DCAF1: variants seen among roughly 807,000 people sequenced by gnomAD.
DCAF1 encodes the protein DDB1 and CUL4 associated factor 1, also known as DDB1- and CUL4-associated factor 1.
In DCAF1, 15 loss-of-function variants were observed where a neutral mutation model predicts 128.0. The observed-to-expected ratio is 0.12, with a 90% CI of 0.08 to 0.18. The LOEUF is 0.18. Among genes scored for constraint, DCAF1 ranks in the 10% least tolerant of loss-of-function variants. The pLI is 1.00. For missense variants in DCAF1, 988 were observed against 1,649.5 expected, an observed-to-expected ratio of 0.60 and a Z score of 6.95; for synonymous variants, 610 against 603.0, an observed-to-expected ratio of 1.01 and a Z score of -0.17.
chr3:51,434,080 T>C (rs1700611957), intron 9 of DCAF1, among the ~76,000 whole-genome samples: 2 of 127,282 alleles, frequency 1.6e-5, no homozygotes, highest in Admixed American at 1.6e-4. Flanking sequence ...AGACCCTGTC[T>C]CAAAAAAAAA....
At chr3:51,400,143 C>T (rs2089545818) in intron 24 of DCAF1, among the ~76,000 whole-genome samples, 1 of 152,190 alleles carries the variant, frequency 6.6e-6, no homozygotes, top group Admixed American at 6.5e-5. Flanking sequence ...AGTGGCCTGA[C>T]TGTATTGGTG....
chr3:51,405,444 A>C (rs1445198963), intron 23 of DCAF1, among the ~76,000 whole-genome samples: 1 of 152,216 alleles, frequency 6.6e-6, no homozygotes, highest in Non-Finnish European at 1.5e-5. Flanking sequence ...ATTTTATAGC[A>C]GAAGAAACAG....
chr3:51,460,392 T>C (rs1347301887), intron 6 of DCAF1, among the ~76,000 whole-genome samples: 1 of 152,120 alleles, frequency 6.6e-6, no homozygotes, highest in Non-Finnish European at 1.5e-5. Flanking sequence ...TACAAACCAC[T>C]GCTCAATGAA....
At chr3:51,489,328 T>C (rs570423341) in intron 2 of DCAF1, among the ~76,000 whole-genome samples, 2 of 151,660 alleles carry the variant, frequency 1.3e-5, no homozygotes, top group African/African-American at 4.8e-5. Flanking sequence ...AGGTATTCAG[T>C]AGGCTGAGGC....
chr3:51,439,137 T>G (rs1264766393), intron 9 of DCAF1, among the ~76,000 whole-genome samples: 2 of 152,054 alleles, frequency 1.3e-5, no homozygotes, highest in Non-Finnish European at 2.9e-5. Flanking sequence ...AGGGTCTGCC[T>G]GTTTTGTTTT....
intron 23 of DCAF1, among the ~76,000 whole-genome samples, chr3:51,407,984 CAAAA>C (rs59224025): frequency 1.9e-5 from 1 of 52,550 alleles, no homozygotes; most frequent in Admixed American, 2.8e-4. Flanking sequence ...GACTCCATCT[CAAAA>C]AAAAAAAAAA....
At chr3:51,455,617 G>C (rs1201125953) in intron 6 of DCAF1, among the ~76,000 whole-genome samples, 1 of 151,880 alleles carries the variant, frequency 6.6e-6, no homozygotes, top group Non-Finnish European at 1.5e-5. Flanking sequence ...TCAAAAAAAA[G>C]GCTGGGCGCG....
Position 51,414,600 on chromosome 3 carries a change from G to A in DCAF1, c.3837+24C>T, listed in dbSNP as rs782393018. On this transcript the variant is annotated intron_variant, in intron 19 of 24. Transcript: ENST00000684031. ...CCACAAACCAGACAACAAATGGAAG[G>A]TAAGACATGAGTATAAAGGATACAA... The A allele has an allele frequency of 3.7e-6, 6 of 1,604,810 alleles. No homozygotes were observed. In the Admixed American group the frequency reaches 1.0e-4, roughly 27 times the overall value.
At chr3:51,434,815 A>T (rs987688045) in intron 9 of DCAF1, among the ~76,000 whole-genome samples, 3 of 152,110 alleles carry the variant, frequency 2.0e-5, no homozygotes, top group Non-Finnish European at 4.4e-5. Flanking sequence ...CTGGGTGGAG[A>T]TCTCCTGCAC....
intron 4 of DCAF1, among the ~76,000 whole-genome samples, chr3:51,467,286 T>G (rs1704228049): frequency 6.6e-6 from 1 of 151,950 alleles, no homozygotes; most frequent in Non-Finnish European, 1.5e-5. Context: ...GAGCCAAGAT[T>G]GCACCACTGC....
intron 23 of DCAF1, among the ~76,000 whole-genome samples, chr3:51,403,665 A>C (rs533840213): frequency 6.6e-6 from 1 of 152,350 alleles, no homozygotes; most frequent in East Asian, 1.9e-4. Flanking sequence ...GCTTCACAGA[A>C]GTCTCTGCCT....
At chr3:51,497,784 G>T (rs1434765026) in intron 1 of DCAF1, among the ~76,000 whole-genome samples, 1 of 152,020 alleles carries the variant, frequency 6.6e-6, no homozygotes, top group Non-Finnish European at 1.5e-5. Context: ...TCAAGAGGCT[G>T]AGGCAGCAGG....
At chr3:51,408,100 G>A (rs1365237605) in intron 23 of DCAF1, among the ~76,000 whole-genome samples, 1 of 151,384 alleles carries the variant, frequency 6.6e-6, no homozygotes, top group African/African-American at 2.4e-5. Context: ...AAGGCAGGCA[G>A]ACTAGCAGCC....
At chr3:51,500,831 T>G (rs1458223017), upstream of DCAF1, among the ~76,000 whole-genome samples, 7 of 147,690 alleles carry the variant, frequency 4.7e-5, no homozygotes, top group Non-Finnish European at 7.4e-5. Context: ...TTTTTTTTTT[T>G]GACAGGGTCT....
At chr3:51,503,325 G>C (rs1047339250), upstream of DCAF1, among the ~76,000 whole-genome samples, 3 of 152,098 alleles carry the variant, frequency 2.0e-5, no homozygotes, top group Non-Finnish European at 2.9e-5. Flanking sequence ...CCACTCCCTG[G>C]GTAGGAAGAT....
chr3:51,466,020 G>A (rs1356682747), intron 5 of DCAF1, among the ~76,000 whole-genome samples: 1 of 152,066 alleles, frequency 6.6e-6, no homozygotes, highest in Non-Finnish European at 1.5e-5. Flanking sequence ...CCAACATGGT[G>A]AAAGCCCATC....
chr3:51,418,807 T>C lies in DCAF1; in HGVS notation c.3306A>G (p.Ser1102=), dbSNP rs373747826. ...CAAGCATCAGGAACCGCTCCCGTGC[T>C]GAGAATGCACAGCAGGTGAAGCCAC... ...DESGFTCCAF[S]ARERFLMLGT... Residue 1102 remains serine (S), a synonymous_variant, in exon 16 of 25, where the codon TCA becomes TCG. Transcript: ENST00000684031. 5.0e-6 allele frequency: 8 copies of C among 1,613,856 alleles called. No homozygotes were observed. Among genetic ancestry groups the C allele is most frequent in the Middle Eastern group, 1.6e-4 (1 of 6,082 alleles).
chr3:51,490,582 G>A (rs782724455), intron 2 of DCAF1, among the ~76,000 whole-genome samples: 5 of 152,098 alleles, frequency 3.3e-5, no homozygotes, highest in Non-Finnish European at 5.9e-5. Context: ...GTATCAAGAT[G>A]GTAATACATT....
chr3:51,397,267 G>T, downstream of DCAF1: 1 of 167,206 alleles, frequency 6.0e-6, no homozygotes. Context: ...GCGGGTGAGT[G>T]AAAAGGTGGA....
Sources: allele counts gnomAD v4.1 joint callset (sites outside exome capture counted in the v4.1 genomes callset), GRCh38; gene constraint gnomAD v4.1.1; transcripts MANE v1.5; gene names NCBI Gene and HGNC (gene_info 2026-07-23, HGNC 2026-07-21).